Variants in DLGAP2 observed in about 807,000 individuals in gnomAD.
The protein encoded by DLGAP2 is disks large-associated protein 2.
In DLGAP2, 26 loss-of-function variants were observed where a neutral mutation model predicts 100.3. The ratio of observed to expected loss-of-function variants is 0.26; its 90% confidence interval spans 0.19 to 0.36. The LOEUF (loss-of-function observed/expected upper bound fraction) is 0.36, where lower values mean the gene tolerates loss of function less well. Ranked by LOEUF, DLGAP2 falls within the 10% of genes least tolerant of loss-of-function variation. The probability of loss-of-function intolerance (pLI) is 1.00; values close to 1 mark genes in which losing one functional copy is unlikely to be tolerated. For synonymous variants in DLGAP2, 886 were observed against 630.1 expected, an observed-to-expected ratio of 1.41 and a Z score of -6.08; for missense variants, 1,858 against 1,453.2, an observed-to-expected ratio of 1.28 and a Z score of -4.53.
At chr8:1,696,454 C>G (rs147698622) in intron 13 of DLGAP2, among the ~76,000 whole-genome samples, 74 of 152,280 alleles carry the variant, frequency 4.9e-4, no homozygotes, top group African/African-American at 1.6e-3. Flanking sequence ...GAGCCATGAT[C>G]ACACCTGTGC....
At chr8:1,328,190 C>A (rs1801066726) in intron 3 of DLGAP2, among the ~76,000 whole-genome samples, 1 of 152,016 alleles carries the variant, frequency 6.6e-6, no homozygotes, top group Admixed American at 6.6e-5. Flanking sequence ...CAGGCATGTG[C>A]CACCACACCT....
intron 3 of DLGAP2, among the ~76,000 whole-genome samples, chr8:1,347,610 A>G (rs1241451952): frequency 6.6e-6 from 1 of 151,818 alleles, no homozygotes; most frequent in African/African-American, 2.4e-5. Flanking sequence ...GTTCCCATAC[A>G]GAGCTGCTTT....
intron 3 of DLGAP2, among the ~76,000 whole-genome samples, chr8:1,353,349 T>G (rs1221448409): frequency 1.3e-5 from 2 of 152,208 alleles, no homozygotes; most frequent in African/African-American, 4.8e-5. Context: ...GTAATGCACA[T>G]TCATTAGAAA....
At chr8:1,510,656 G>C (rs1031545621) in intron 4 of DLGAP2, among the ~76,000 whole-genome samples, 2 of 152,208 alleles carry the variant, frequency 1.3e-5, no homozygotes, top group African/African-American at 4.8e-5. Flanking sequence ...CTGCAGGTGA[G>C]GAAACTGAGG....
chr8:797,505 A>G (rs1048001632), intron 1 of DLGAP2, among the ~76,000 whole-genome samples: 4 of 152,152 alleles, frequency 2.6e-5, no homozygotes, highest in Non-Finnish European at 5.9e-5. Flanking sequence ...TGAGGCTGCT[A>G]TGACTATTTC....
At chr8:1,547,816 C>T (rs1035167990) in intron 4 of DLGAP2, among the ~76,000 whole-genome samples, 1 of 152,144 alleles carries the variant, frequency 6.6e-6, no homozygotes, top group African/African-American at 2.4e-5. Context: ...CACAGCTGCC[C>T]CCACACAGAT....
chr8:1,144,075 C>A (rs62487481), intron 2 of DLGAP2, among the ~76,000 whole-genome samples: 2,546 of 152,330 alleles, frequency 0.017, 43 homozygotes, highest in Non-Finnish European at 0.026. Context: ...CCATTGCATA[C>A]CTTTCCCCTG....
intron 8 of DLGAP2, among the ~76,000 whole-genome samples, chr8:1,652,702 T>C (rs1798194650): frequency 1.3e-5 from 2 of 152,226 alleles, no homozygotes; most frequent in Admixed American, 1.3e-4. Context: ...TTTCATTCCT[T>C]ATGGAATTTG....
intron 1 of DLGAP2, among the ~76,000 whole-genome samples, chr8:813,543 C>T (rs890360246): frequency 1.3e-5 from 2 of 152,104 alleles, no homozygotes; most frequent in African/African-American, 4.8e-5. Flanking sequence ...CAAACCTATT[C>T]TTTTATTTTC....
chr8:757,567 C>T (rs531098994), intron 1 of DLGAP2, among the ~76,000 whole-genome samples: 1 of 152,146 alleles, frequency 6.6e-6, no homozygotes, highest in African/African-American at 2.4e-5. Flanking sequence ...CCGGCCATAC[C>T]CTCCCCTGTG....
intron 2 of DLGAP2, among the ~76,000 whole-genome samples, chr8:1,171,731 G>C (rs2116678303): frequency 6.6e-6 from 1 of 151,670 alleles, no homozygotes; most frequent in Non-Finnish European, 1.5e-5. Flanking sequence ...TTTTCCATTG[G>C]CTTGGTAGAT....
intron 6 of DLGAP2, among the ~76,000 whole-genome samples, chr8:1,583,268 G>A (rs1796005252): frequency 6.6e-6 from 1 of 152,174 alleles, no homozygotes; most frequent in Non-Finnish European, 1.5e-5. Flanking sequence ...TGGGTGAGGT[G>A]ATCAAGTGAG....
At chr8:1,316,844 T>G (rs1800765246) in intron 3 of DLGAP2, among the ~76,000 whole-genome samples, 1 of 143,740 alleles carries the variant, frequency 7.0e-6, no homozygotes, top group African/African-American at 2.7e-5. Context: ...GAGTGCAGCG[T>G]CTCTCCCACA....
chr8:1,360,910 T>A (rs1351807792), intron 3 of DLGAP2, among the ~76,000 whole-genome samples: 1 of 152,186 alleles, frequency 6.6e-6, no homozygotes, highest in Non-Finnish European at 1.5e-5. Context: ...TGAACACGGT[T>A]TCTCGCCTCT....
intron 2 of DLGAP2, among the ~76,000 whole-genome samples, chr8:1,163,923 C>G (rs1359952273): frequency 6.6e-6 from 1 of 152,246 alleles, no homozygotes; most frequent in Non-Finnish European, 1.5e-5. Context: ...TCCGCGGGCC[C>G]TGGCTTCCTC....
intron 1 of DLGAP2, among the ~76,000 whole-genome samples, chr8:810,630 T>C (rs988048347): frequency 4.6e-5 from 7 of 152,264 alleles, no homozygotes; most frequent in Admixed American, 1.3e-4. Context: ...ATTTTTAACA[T>C]AATAATCAAC....
intron 3 of DLGAP2, among the ~76,000 whole-genome samples, chr8:1,416,334 C>T (rs1385445263): frequency 6.6e-6 from 1 of 152,210 alleles, no homozygotes. Context: ...GCCCAGGTGT[C>T]CGCCTTCGTA....
At chr8:1,070,069 T>A (rs1433573660) in intron 2 of DLGAP2, among the ~76,000 whole-genome samples, 1 of 152,220 alleles carries the variant, frequency 6.6e-6, no homozygotes, top group African/African-American at 2.4e-5. Flanking sequence ...AAACATTCTT[T>A]TCTCCAAATC....
intron 1 of DLGAP2, among the ~76,000 whole-genome samples, chr8:890,727 C>T (rs1324857672): frequency 6.6e-6 from 1 of 152,146 alleles, no homozygotes; most frequent in East Asian, 1.9e-4. Context: ...TATCACAGAT[C>T]CCCTTGGCAG....
Sources: allele counts gnomAD v4.1 joint callset (sites outside exome capture counted in the v4.1 genomes callset), GRCh38; gene constraint gnomAD v4.1.1; transcripts MANE v1.5; gene names NCBI Gene and HGNC (gene_info 2026-07-23, HGNC 2026-07-21).